The following ARHGAP26 variants were observed in gnomAD, a reference collection of about 807,000 sequenced individuals.
The protein encoded by ARHGAP26 is rho GTPase-activating protein 26.
ARHGAP26 carries 38 observed loss-of-function variants against 104.8 expected under a neutral mutation model. The ratio of observed to expected loss-of-function variants is 0.36; its 90% confidence interval spans 0.28 to 0.48. The LOEUF (loss-of-function observed/expected upper bound fraction) is 0.48, where lower values mean the gene tolerates loss of function less well. ARHGAP26 is among the 20% of genes least tolerant of loss of function. ARHGAP26 has a pLI of 0.99. For synonymous variants in ARHGAP26, 341 were observed against 340.0 expected (o/e 1.00, Z -0.03); for missense variants, 704 against 947.9 (o/e 0.74, Z 3.38).
intron 10 of ARHGAP26, among the ~76,000 whole-genome samples, chr5:142,925,747 G>T (rs1763816916): frequency 6.6e-6 from 1 of 152,178 alleles, no homozygotes; most frequent in Admixed American, 6.5e-5. Flanking sequence ...TTGAGATTGT[G>T]TGTTCCTGTG....
At chr5:142,843,284 G>A (rs1313050010) in intron 1 of ARHGAP26, among the ~76,000 whole-genome samples, 3 of 152,208 alleles carry the variant, frequency 2.0e-5, no homozygotes, top group African/African-American at 7.2e-5. Context: ...GAGGCAAAGA[G>A]TGTGATCACT....
intron 20 of ARHGAP26, among the ~76,000 whole-genome samples, chr5:143,186,457 G>A (rs1000557529): frequency 6.6e-6 from 1 of 152,174 alleles, no homozygotes. Flanking sequence ...TGGACTGGGA[G>A]GTACTGATTC....
intron 17 of ARHGAP26, among the ~76,000 whole-genome samples, chr5:143,085,550 T>C (rs1790475339): frequency 6.6e-6 from 1 of 152,184 alleles, no homozygotes; most frequent in African/African-American, 2.4e-5. Flanking sequence ...TGTAACTGCA[T>C]ATGATGATGA....
intron 11 of ARHGAP26, among the ~76,000 whole-genome samples, chr5:142,939,458 G>A (rs1025841679): frequency 6.6e-6 from 1 of 152,178 alleles, no homozygotes; most frequent in Admixed American, 6.5e-5. Flanking sequence ...CTTTGGGGCT[G>A]AACAAAATGT....
At chr5:143,219,995 C>G (rs758117929) in intron 22 of ARHGAP26, among the ~76,000 whole-genome samples, 1 of 152,162 alleles carries the variant, frequency 6.6e-6, no homozygotes, top group Non-Finnish European at 1.5e-5. Context: ...CTCTCTTGTC[C>G]CCTCTAATTC....
chr5:143,012,556 T>TATATACATATATATATATATATAC (rs1778976322), intron 11 of ARHGAP26, among the ~76,000 whole-genome samples: 1 of 59,110 alleles, frequency 1.7e-5, no homozygotes, highest in Non-Finnish European at 4.1e-5. Context: ...TACATACATA[T>TATATACATATATATATATATATAC]ATATATATAT....
At chr5:142,923,857 C>CTTTTT (rs11389284) in intron 10 of ARHGAP26, among the ~76,000 whole-genome samples, 39 of 105,870 alleles carry the variant, frequency 3.7e-4, no homozygotes, top group South Asian at 7.6e-4. Context: ...GGATCAGATC[C>CTTTTT]TTTTTTTTTT....
chr5:143,173,646 A>G (rs1392876694), intron 20 of ARHGAP26, among the ~76,000 whole-genome samples: 3 of 152,176 alleles, frequency 2.0e-5, no homozygotes, highest in Non-Finnish European at 2.9e-5. Context: ...GCAGCCTCAG[A>G]AAGGTTAAGT....
intron 17 of ARHGAP26, among the ~76,000 whole-genome samples, chr5:143,110,369 T>C (rs1305018246): frequency 6.6e-6 from 1 of 152,194 alleles, no homozygotes; most frequent in African/African-American, 2.4e-5. Context: ...AATTGAAAAA[T>C]AGATGTTGCA....
chr5:142,778,942 GA>G lies in ARHGAP26; in HGVS notation c.154+8041del, dbSNP rs879333898. On this transcript the variant is annotated intron_variant, in intron 1 of 22. Transcript: ENST00000645722. ...CTGATTTTAAAACAACCAAGGGATA[GA>G]AAAAAAAAAAAAACTTAGTGTGTGT... Among the ~76,000 whole-genome samples, 1,117 of 125,168 alleles carry G rather than the reference GA, an allele frequency of 8.9e-3. 11 individuals carry two copies. Among genetic ancestry groups the G allele is most frequent in the African/African-American group, 0.027 (715 of 26,054 alleles). 82.1% of individuals were successfully genotyped at this position (125,168 alleles called of 152,430 possible). A position where few individuals can be genotyped will look rare whatever the true frequency, so the allele number is the denominator to read the frequency against.
chr5:142,890,735 C>T (rs146058127), intron 5 of ARHGAP26, among the ~76,000 whole-genome samples: 46 of 152,166 alleles, frequency 3.0e-4, no homozygotes, highest in Middle Eastern at 6.8e-3. Flanking sequence ...CCGACATGCA[C>T]GGGACACTTT....
At chr5:143,207,390 C>T in intron 21 of ARHGAP26, 82 bp downstream of exon 21, 1 of 1,614,124 alleles carries the variant, frequency 6.2e-7, no homozygotes, top group Non-Finnish European at 8.5e-7. Context: ...CAGTGTTCAG[C>T]CTCCTCGTCA....
intron 20 of ARHGAP26, chr5:143,202,122 G>A (rs1807838457): frequency 6.6e-6 from 1 of 152,056 alleles, no homozygotes; most frequent in Non-Finnish European, 1.5e-5. Context: ...TATATATTTA[G>A]GATAGTTAGC....
At chr5:143,133,841 G>A (rs1055804724) in intron 18 of ARHGAP26, 126 bp from the exon 19 acceptor site, 1 of 865,970 alleles carries the variant, frequency 1.2e-6, no homozygotes, top group Non-Finnish European at 1.7e-6. Flanking sequence ...ACAACTGCCA[G>A]TGGTCTTCTC....
intron 17 of ARHGAP26, 31 bp from the exon 18 acceptor site, chr5:143,120,957 C>G (rs759767728): frequency 6.2e-7 from 1 of 1,602,860 alleles, no homozygotes; most frequent in Non-Finnish European, 8.5e-7. Context: ...CGATTTGTCT[C>G]ATTGGTACCT....
intron 20 of ARHGAP26, among the ~76,000 whole-genome samples, chr5:143,191,073 TG>T (rs1286206198): frequency 1.3e-5 from 2 of 152,204 alleles, no homozygotes; most frequent in African/African-American, 4.8e-5. Flanking sequence ...AGGACCTTTT[TG>T]GGGTGATGGT....
intron 17 of ARHGAP26, among the ~76,000 whole-genome samples, chr5:143,062,519 GTT>G (rs57175122): frequency 0.15 from 18,649 of 124,034 alleles, 1,571 homozygotes; most frequent in East Asian, 0.51. Flanking sequence ...TGTAGCTTGG[GTT>G]TTTTTTTTTT....
chr5:143,061,788 GCTCCT>G (rs1487347891), intron 17 of ARHGAP26, among the ~76,000 whole-genome samples: 1 of 152,220 alleles, frequency 6.6e-6, no homozygotes, highest in African/African-American at 2.4e-5. Flanking sequence ...GTGTTGGCTA[GCTCCT>G]CGCAGAGTCC....
chr5:142,928,906 T>C (rs1309904426), intron 10 of ARHGAP26, among the ~76,000 whole-genome samples: 1 of 152,234 alleles, frequency 6.6e-6, no homozygotes, highest in Non-Finnish European at 1.5e-5. Context: ...CTTTCATTGT[T>C]TTATATGTTC....
Sources: allele counts gnomAD v4.1 joint callset (sites outside exome capture counted in the v4.1 genomes callset), GRCh38; gene constraint gnomAD v4.1.1; transcripts MANE v1.5; gene names NCBI Gene and HGNC (gene_info 2026-07-23, HGNC 2026-07-21).